The following MAN1B1 variants were observed in gnomAD, a reference collection of about 807,000 sequenced individuals.
MAN1B1 encodes mannosidase alpha class 1B member 1.
In MAN1B1, 66 loss-of-function variants were observed where a neutral mutation model predicts 75.5. The ratio of observed to expected loss-of-function variants is 0.87; its 90% CI spans 0.72 to 1.07. The LOEUF (loss-of-function observed/expected upper bound fraction) is 1.07, where lower values mean the gene tolerates loss of function less well. Among genes scored for constraint, MAN1B1 ranks in the 50% least tolerant of loss-of-function variants. The probability of loss-of-function intolerance (pLI) is 0.00; values close to 1 mark genes in which losing one functional copy is unlikely to be tolerated. For synonymous variants in MAN1B1, 453 were observed against 382.8 expected (o/e 1.18, Z -2.14); for missense variants, 973 against 912.5 (o/e 1.07, Z -0.85).
chr9:137,087,670 C>G (rs867352026), intron 1 of MAN1B1: 1 of 401,816 alleles, frequency 2.5e-6, no homozygotes. Context: ...ATCGCCTGGG[C>G]GGTGCCTGGG....
chr9:137,099,246 C>T (rs964429468), intron 5 of MAN1B1, among the ~76,000 whole-genome samples: 6 of 152,270 alleles, frequency 3.9e-5, no homozygotes, highest in Non-Finnish European at 5.9e-5. Flanking sequence ...GGATGTTCAT[C>T]GCGAGGTCTG....
chr9:137,104,568 G>A (rs542676637), intron 8 of MAN1B1: 9 of 178,154 alleles, frequency 5.1e-5, no homozygotes, highest in East Asian at 4.1e-4. Context: ...TTCACTCAGC[G>A]TCTTTAAGCT....
intron 1 of MAN1B1, among the ~76,000 whole-genome samples, chr9:137,087,870 G>A (rs1830415578): frequency 6.6e-6 from 1 of 152,110 alleles, no homozygotes; most frequent in Non-Finnish European, 1.5e-5. Flanking sequence ...AGAGCTGGCC[G>A]GGCACGGTGG....
chr9:137,100,505 A>G (rs549912523), intron 6 of MAN1B1, among the ~76,000 whole-genome samples: 1 of 152,234 alleles, frequency 6.6e-6, no homozygotes, highest in East Asian at 1.9e-4. Context: ...CGCCCCAGAC[A>G]TGGGTTTGGT....
At chr9:137,093,242 A>G (rs963918842) in intron 3 of MAN1B1, among the ~76,000 whole-genome samples, 7 of 152,150 alleles carry the variant, frequency 4.6e-5, no homozygotes, top group Middle Eastern at 3.2e-3. Flanking sequence ...AAAAATACAC[A>G]AATTAGCCAG....
At chr9:137,102,208 G>A (rs925646736) in intron 8 of MAN1B1, 11 of 404,114 alleles carry the variant, frequency 2.7e-5, no homozygotes, top group Non-Finnish European at 4.4e-5. Flanking sequence ...TACACGTGCT[G>A]TTGCAGGTGT....
intron 9 of MAN1B1, 102 bp from the exon 10 acceptor site, chr9:137,106,587 G>A: frequency 6.3e-7 from 1 of 1,575,684 alleles, no homozygotes; most frequent in Non-Finnish European, 8.7e-7. Flanking sequence ...GCAAGGGCCA[G>A]GCCTGCTGTA....
rs1830802378 is a variant in MAN1B1 at position 137,101,258 on chromosome 9, A to C, written c.1065+105A>C. The C allele has an allele frequency of 2.1e-6, 3 of 1,436,744 alleles. No homozygotes were observed. In the African/African-American group the frequency reaches 4.2e-5, roughly 20 times the overall value. The allele number at this position is 1,436,744 out of a possible 1,614,324, so 89.0% of individuals were successfully genotyped here. ...GTGACTGTCTTCCTGTTTCCTCTTC[A>C]AATGCACTGGAGTCTGTTTCTGAGC... is the stretch of plus-strand genomic sequence containing the variant. On this transcript the variant is annotated intron_variant, in intron 7 of 12. Transcript: ENST00000371589.
chr9:137,095,678 G>A (rs1258509993), intron 3 of MAN1B1, among the ~76,000 whole-genome samples: 1 of 152,232 alleles, frequency 6.6e-6, no homozygotes, highest in African/African-American at 2.4e-5. Flanking sequence ...GACACGGTCT[G>A]CAGCTTTCCC....
chr9:137,109,157 G>T lies in MAN1B1; in HGVS notation c.*566G>T. 1 of 454,596 alleles carries T rather than the reference G, an allele frequency of 2.2e-6. No homozygotes were observed. The highest frequency in any genetic ancestry group is 4.4e-6 in the Non-Finnish European group (1 of 226,870). 28.2% of individuals were successfully genotyped at this position (454,596 alleles called of 1,614,324 possible). ...CCCTCCAGTGGAATGGGTCTTTTCG[G>T]TGGAGATAAAAGTTGATTTGCTCTA... On this transcript the variant is annotated 3_prime_UTR_variant, in exon 13 of 13. Coordinates refer to ENST00000371589, the MANE Select transcript of MAN1B1 (RefSeq NM_016219.5).
In MAN1B1 at chr9:137,101,634, C is replaced by G. The variant is rs1037141680; in HGVS notation, c.1216C>G (p.Arg406Gly). ...GGTGACCAGCATTCAGCTGGAGTTC[C>G]GGGAGCTCTCCCGTCTCACAGGGGA... Reference protein sequence around the residue: ...AEVTSIQLEFRELSRLTGDKK... With the variant: ...AEVTSIQLEFGELSRLTGDKK... Residue 406 changes from arginine (R) to glycine (G), a missense_variant, in exon 8 of 13, where the codon CGG becomes GGG. Transcript: ENST00000371589. 2 of 1,613,242 alleles carry G rather than the reference C, an allele frequency of 1.2e-6. No homozygotes were observed. The highest frequency in any genetic ancestry group is 1.1e-5 in the South Asian group (1 of 91,086).
chr9:137,103,090 T>C (rs1302317612), intron 8 of MAN1B1: 5 of 443,118 alleles, frequency 1.1e-5, no homozygotes, highest in African/African-American at 1.1e-4. Flanking sequence ...CTTGCAGGCG[T>C]GCAGGTCGGT....
At chr9:137,098,011 A>C in intron 5 of MAN1B1, 74 bp downstream of exon 5, 4 of 1,210,938 alleles carry the variant, frequency 3.3e-6, no homozygotes, top group Non-Finnish European at 4.8e-6. Context: ...GCTTCGTCTC[A>C]GCCATGGTGG....
At position 137,107,458 on chromosome 9, in the gene MAN1B1, G is replaced by C; in HGVS notation, c.1764+11G>C. On this transcript the variant is annotated intron_variant, in intron 11 of 12. Coordinates refer to ENST00000371589, the MANE Select transcript of MAN1B1 (RefSeq NM_016219.5). Reference sequence around the variant, plus strand: ...GACGTGGAGGTCAAGGTGGGCCTGGGCCTGGGTCAGGGTCCATCAGGAGGA... The same window carrying C: ...GACGTGGAGGTCAAGGTGGGCCTGGCCCTGGGTCAGGGTCCATCAGGAGGA... 6.2e-7 allele frequency: 1 copy of C among 1,613,322 alleles called. No homozygotes were observed.
intron 8 of MAN1B1, chr9:137,104,625 C>G (rs1039578193): frequency 5.9e-6 from 1 of 170,654 alleles, no homozygotes; most frequent in African/African-American, 2.4e-5. Context: ...GGCTGAATAT[C>G]TGCTGCGTGG....
At chr9:137,096,127 C>G in intron 3 of MAN1B1, 110 bp from the exon 4 acceptor site, 3 of 1,169,440 alleles carry the variant, frequency 2.6e-6, no homozygotes, top group Non-Finnish European at 3.8e-6. Context: ...AGTCAGAGGT[C>G]AGAAGCTCAG....
In MAN1B1 at chr9:137,105,870, A is replaced by T. The variant is rs1240601423; in HGVS notation, c.1255-255A>T. The T allele has an allele frequency of 3.1e-6, 2 of 652,156 alleles. 1 individual carries two copies. Among genetic ancestry groups the T allele is most frequent in the South Asian group, 3.0e-5 (2 of 66,246 alleles). The allele number at this position is 652,156 out of a possible 1,614,324, so 40.4% of individuals were successfully genotyped here. A position where few individuals can be genotyped will look rare whatever the true frequency, so the allele number is the denominator to read the frequency against. On this transcript the variant is annotated intron_variant, in intron 8 of 12. Coordinates refer to ENST00000371589, the MANE Select transcript of MAN1B1 (RefSeq NM_016219.5). ...GTAAGGGATGAGAGCCATCCTGAAG[A>T]TGGGTCAGCTCTGTGGTGACCACCC...
Position 137,108,352 on chromosome 9 carries a change from C to T in MAN1B1, c.1897-36C>T, listed in dbSNP as rs749445929. The T allele has an allele frequency of 3.0e-5, 46 of 1,537,244 alleles. No individual in the cohort carries two copies. The East Asian group carries it at 4.9e-4, about 17-fold the overall frequency. On this transcript the variant is annotated intron_variant, in intron 12 of 12. Coordinates refer to ENST00000371589, the MANE Select transcript of MAN1B1 (RefSeq NM_016219.5). ...TGAGGCTGAGGGGGGTGCAGGGTGC[C>T]CCCCGTGTGGTGACGAGGCCCTGGC...
chr9:137,089,814 G>T (rs1235762014), intron 3 of MAN1B1, among the ~76,000 whole-genome samples: 1 of 152,098 alleles, frequency 6.6e-6, no homozygotes, highest in East Asian at 1.9e-4. Context: ...CGGGTGGAGG[G>T]GCCAGCAAAG....
Sources: gnomAD v4.1 joint callset for allele counts (sites outside exome capture counted in the v4.1 genomes callset) on GRCh38, gnomAD v4.1.1 for gene constraint, MANE v1.5 for transcripts, NCBI Gene and HGNC (gene_info 2026-07-23, HGNC 2026-07-21) for gene names.